PRKAA2: variants seen among roughly 807,000 people sequenced by gnomAD.
PRKAA2 encodes 5'-AMP-activated protein kinase catalytic subunit alpha-2.
In PRKAA2, 40 loss-of-function variants were observed where a neutral mutation model predicts 56.3. The observed-to-expected ratio is 0.71, with a 90% CI of 0.55 to 0.92. PRKAA2 has a LOEUF of 0.92. Ranked by LOEUF, PRKAA2 falls within the 40% of genes least tolerant of loss-of-function variation. The pLI, the probability that PRKAA2 is intolerant of heterozygous loss-of-function variation, is 0.00. For synonymous variants in PRKAA2, 214 were observed against 234.2 expected, an observed-to-expected ratio of 0.91 and a Z score of 0.79; for missense variants, 542 against 686.9, an observed-to-expected ratio of 0.79 and a Z score of 2.36.
intron 2 of PRKAA2, among the ~76,000 whole-genome samples, chr1:56,676,166 C>T (rs1644111673): frequency 6.6e-6 from 1 of 152,090 alleles, no homozygotes; most frequent in African/African-American, 2.4e-5. Context: ...ATGTCTATTT[C>T]CTAATTCCCA....
chr1:56,663,805 A>G (rs1644013138), intron 1 of PRKAA2, among the ~76,000 whole-genome samples: 1 of 152,142 alleles, frequency 6.6e-6, no homozygotes, highest in Non-Finnish European at 1.5e-5. Context: ...TTCATCTTCA[A>G]AATCATCTTG....
chr1:56,692,767 G>C (rs1162366358), intron 4 of PRKAA2, among the ~76,000 whole-genome samples: 1 of 150,706 alleles, frequency 6.6e-6, no homozygotes, highest in Non-Finnish European at 1.5e-5. Context: ...TTCTCCTAAG[G>C]AAATGATGCA....
chr1:56,700,618 A>G (rs1644287649), intron 6 of PRKAA2, among the ~76,000 whole-genome samples: 1 of 152,160 alleles, frequency 6.6e-6, no homozygotes, highest in South Asian at 2.1e-4. Flanking sequence ...GATGTTAGAC[A>G]GTTGCCATTG....
rs1644391471 is a variant in PRKAA2 at position 56,714,345 on chromosome 1, G to C, written c.*6632G>C. 1 of 152,116 alleles carries C rather than the reference G, an allele frequency of 6.6e-6. No individual in the cohort carries two copies. Among genetic ancestry groups the C allele is most frequent in the Non-Finnish European group, 1.5e-5 (1 of 67,988 alleles). 9.4% of individuals were successfully genotyped at this position (152,116 alleles called of 1,614,324 possible). ...GGATAATAACCTACCTCACAGATGT[G>C]TGTGAGCAACTGTTTGAAAGCCCTT... is the stretch of plus-strand genomic sequence containing the variant. On this transcript the variant is annotated 3_prime_UTR_variant, in exon 9 of 9. Coordinates refer to ENST00000371244, the MANE Select transcript of PRKAA2 (RefSeq NM_006252.4).
chr1:56,673,697 A>G (rs2746339), intron 1 of PRKAA2, among the ~76,000 whole-genome samples: 72,427 of 152,146 alleles, frequency 0.48, 17,545 homozygotes, highest in East Asian at 0.64. Flanking sequence ...CACTGTGCGC[A>G]TATACTTCCT....
rs545526063 is a variant in PRKAA2, at chr1:56,645,325, AGGC to A, written c.-47_-45del. The A allele has an allele frequency of 1.5e-3, 1,924 of 1,312,714 alleles. No homozygotes were observed. The highest frequency in any genetic ancestry group is 3.2e-3 in the East Asian group (73 of 23,062). The allele number at this position is 1,312,714 out of a possible 1,614,324, so 81.3% of individuals were successfully genotyped here. A position where few individuals can be genotyped will look rare whatever the true frequency, so the allele number is the denominator to read the frequency against. ...CCGCAGGGCCCGCTGCACTGTGGGT[AGGC>A]GGCGGCGGCGGCGGCTACGCGGAGC... On this transcript the variant is annotated 5_prime_UTR_variant, in exon 1 of 9. Coordinates refer to ENST00000371244, the MANE Select transcript of PRKAA2 (RefSeq NM_006252.4).
chr1:56,678,974 G>A (rs537946879), intron 2 of PRKAA2, among the ~76,000 whole-genome samples: 22 of 152,252 alleles, frequency 1.4e-4, no homozygotes, highest in South Asian at 4.2e-4. Flanking sequence ...GATTACGGGC[G>A]TGAGCCACCA....
intron 2 of PRKAA2, among the ~76,000 whole-genome samples, chr1:56,678,425 A>G (rs1413977515): frequency 6.6e-6 from 1 of 152,212 alleles, no homozygotes; most frequent in Non-Finnish European, 1.5e-5. Flanking sequence ...AAGTTTGAGC[A>G]TTGAATGCCA....
intron 2 of PRKAA2, among the ~76,000 whole-genome samples, chr1:56,685,820 TA>T (rs1644187360): frequency 6.6e-6 from 1 of 152,170 alleles, no homozygotes; most frequent in African/African-American, 2.4e-5. Context: ...GAGCAACCTA[TA>T]AATTAGAAGA....
chr1:56,705,464 G>A (rs1644325073), intron 7 of PRKAA2, among the ~76,000 whole-genome samples: 1 of 151,934 alleles, frequency 6.6e-6, no homozygotes, highest in Non-Finnish European at 1.5e-5. Flanking sequence ...GAGTGCAGTG[G>A]CGCGATCTTG....
chr1:56,675,666 C>T (rs926568856), intron 2 of PRKAA2, among the ~76,000 whole-genome samples: 1 of 151,848 alleles, frequency 6.6e-6, no homozygotes, highest in Non-Finnish European at 1.5e-5. Context: ...TTTTAATATA[C>T]CATTACTTAA....
intron 5 of PRKAA2, among the ~76,000 whole-genome samples, chr1:56,695,481 G>A (rs991158923): frequency 9.9e-5 from 15 of 151,954 alleles, no homozygotes; most frequent in African/African-American, 3.1e-4. Context: ...GTGAGCTACC[G>A]TGACCAGCCT....
At chr1:56,696,301 G>T (rs1644258811) in intron 6 of PRKAA2, 142 bp downstream of exon 6, 1 of 699,912 alleles carries the variant, frequency 1.4e-6, no homozygotes. Context: ...ACTTGTCCTT[G>T]TTTCTCAAAC....
At chr1:56,648,169 G>A (rs2100374066) in intron 1 of PRKAA2, among the ~76,000 whole-genome samples, 1 of 152,226 alleles carries the variant, frequency 6.6e-6, no homozygotes, top group South Asian at 2.1e-4. Context: ...ATAGGTTTTA[G>A]GACATTTGAG....
chr1:56,652,748 A>G (rs1176448288), intron 1 of PRKAA2, among the ~76,000 whole-genome samples: 2 of 152,196 alleles, frequency 1.3e-5, no homozygotes, highest in Non-Finnish European at 2.9e-5. Flanking sequence ...CAGATAGATG[A>G]CACTTGTGGA....
intron 2 of PRKAA2, among the ~76,000 whole-genome samples, chr1:56,678,325 C>T (rs975820481): frequency 6.6e-6 from 1 of 152,196 alleles, no homozygotes; most frequent in Non-Finnish European, 1.5e-5. Flanking sequence ...AGAGAGCAAC[C>T]TTACCCTTTC....
intron 6 of PRKAA2, among the ~76,000 whole-genome samples, chr1:56,700,305 G>T (rs1452299813): frequency 1.3e-5 from 2 of 152,104 alleles, no homozygotes; most frequent in Admixed American, 6.5e-5. Flanking sequence ...CTTTGCTAAT[G>T]GGCTTTGTGT....
At chr1:56,682,806 C>T (rs1480982679) in intron 2 of PRKAA2, among the ~76,000 whole-genome samples, 1 of 152,092 alleles carries the variant, frequency 6.6e-6, no homozygotes, top group Non-Finnish European at 1.5e-5. Context: ...TAGCCAGTGG[C>T]CACATGTGGC....
intron 5 of PRKAA2, among the ~76,000 whole-genome samples, chr1:56,694,303 G>A (rs1644245673): frequency 6.6e-6 from 1 of 152,180 alleles, no homozygotes; most frequent in Non-Finnish European, 1.5e-5. Flanking sequence ...AGTAGAGATT[G>A]TGTAGTTACT....
Sources: allele counts gnomAD v4.1 joint callset (sites outside exome capture counted in the v4.1 genomes callset), GRCh38; gene constraint gnomAD v4.1.1; transcripts MANE v1.5; gene names NCBI Gene and HGNC (gene_info 2026-07-23, HGNC 2026-07-21).